Variants in GPHN observed in about 807,000 individuals in gnomAD.
The protein encoded by GPHN is gephyrin.
A neutral mutation model predicts 95.5 loss-of-function variants in GPHN; 17 were observed. The ratio of observed to expected loss-of-function variants is 0.18; its 90% CI spans 0.12 to 0.27. The LOEUF (loss-of-function observed/expected upper bound fraction) is 0.27. Ranked by LOEUF, GPHN falls within the 10% of genes least tolerant of loss-of-function variation. The pLI, the probability that GPHN is intolerant of heterozygous loss-of-function variation, is 1.00. For missense variants in GPHN, 660 were observed against 978.1 expected, an observed-to-expected ratio of 0.67 and a Z score of 4.34; for synonymous variants, 320 against 322.5, an observed-to-expected ratio of 0.99 and a Z score of 0.08.
the GPHN span, among the ~76,000 whole-genome samples, chr14:67,633,959 T>C: frequency 0.075 from 11,386 of 152,242 alleles, 588 homozygotes; most frequent in East Asian, 0.22. Context: ...ATCTGGTTCA[T>C]AGCAATTAGC....
intron 9 of GPHN, among the ~76,000 whole-genome samples, chr14:66,965,575 C>T (rs1368977549): frequency 1.3e-5 from 2 of 152,100 alleles, no homozygotes. Context: ...TTCTGTAGCT[C>T]CTGTTTCTTT....
chr14:66,629,216 C>T lies in GPHN; in HGVS notation c.65-51891C>T, dbSNP rs1223008976. On this transcript the variant is annotated intron_variant, in intron 1 of 22. Transcript: ENST00000478722. The stretch of plus-strand genomic sequence containing the variant: ...ATGTATATAAATATATATTTATATA[C>T]ATATATAAATATGTATATAAATATA... Among the ~76,000 whole-genome samples the T allele has an allele frequency of 2.0e-4, 27 of 136,622 alleles. 3 individuals carry two copies. The highest frequency in any genetic ancestry group is 6.1e-4 in the African/African-American group (22 of 36,356). 89.6% of individuals were successfully genotyped at this position (136,622 alleles called of 152,430 possible).
intron 11 of GPHN, among the ~76,000 whole-genome samples, chr14:67,083,649 G>A (rs1164759887): frequency 1.3e-5 from 2 of 152,178 alleles, no homozygotes; most frequent in African/African-American, 4.8e-5. Flanking sequence ...GTAGTATTCA[G>A]AGTGGCAATG....
At chr14:66,619,402 A>C (rs1326014805) in intron 1 of GPHN, among the ~76,000 whole-genome samples, 4 of 151,472 alleles carry the variant, frequency 2.6e-5, no homozygotes, top group African/African-American at 9.7e-5. Context: ...TTAAATTTTA[A>C]CCACTGTAAA....
At chr14:66,566,515 T>C (rs1309826901) in intron 1 of GPHN, among the ~76,000 whole-genome samples, 3 of 150,916 alleles carry the variant, frequency 2.0e-5, no homozygotes, top group Admixed American at 1.3e-4. Flanking sequence ...TGTCTACATT[T>C]TTTGTAGTCT....
chr14:66,959,837 C>T (rs1197209416), intron 8 of GPHN, among the ~76,000 whole-genome samples: 2 of 151,996 alleles, frequency 1.3e-5, no homozygotes, highest in Non-Finnish European at 1.5e-5. Context: ...TCTCTCCTCT[C>T]CTTCTGGGAC....
At chr14:67,230,716 A>T in the GPHN span, among the ~76,000 whole-genome samples, 1 of 152,226 alleles carries the variant, frequency 6.6e-6, no homozygotes, top group East Asian at 1.9e-4. Context: ...GCCCATCAAC[A>T]GGTGAATGAC....
At chr14:66,930,368 A>ATTATT (rs576164658) in intron 8 of GPHN, among the ~76,000 whole-genome samples, 1,825 of 152,212 alleles carry the variant, frequency 0.012, 19 homozygotes, top group Non-Finnish European at 0.018. Flanking sequence ...CTTATAACCC[A>ATTATT]TTATTTTAAA....
At chr14:66,536,806 C>A (rs1327197167) in intron 1 of GPHN, among the ~76,000 whole-genome samples, 1 of 152,134 alleles carries the variant, frequency 6.6e-6, no homozygotes, top group Non-Finnish European at 1.5e-5. Flanking sequence ...CTTCAAATGA[C>A]TGATTTCTTT....
chr14:67,651,916 A>G, the GPHN span, among the ~76,000 whole-genome samples: 2 of 152,178 alleles, frequency 1.3e-5, no homozygotes, highest in Admixed American at 1.3e-4. Flanking sequence ...CTCTCCTATC[A>G]ACCCAAATGG....
intron 21 of GPHN, among the ~76,000 whole-genome samples, chr14:67,174,271 C>T (rs1242696703): frequency 6.7e-6 from 1 of 150,358 alleles, no homozygotes; most frequent in African/African-American, 2.5e-5. Context: ...TGATGTTCCC[C>T]TCCCTGTGTC....
intron 1 of GPHN, among the ~76,000 whole-genome samples, chr14:66,579,727 G>C (rs1312212831): frequency 6.6e-6 from 1 of 151,778 alleles, no homozygotes; most frequent in Admixed American, 6.6e-5. Context: ...AGATCTGAAG[G>C]GAGAGACAAG....
the GPHN span, among the ~76,000 whole-genome samples, chr14:67,548,244 G>T: frequency 6.6e-6 from 1 of 152,174 alleles, no homozygotes; most frequent in Non-Finnish European, 1.5e-5. Flanking sequence ...CTGTTTCTCA[G>T]TTATCCTATC....
At chr14:67,144,286 T>TACACAC (rs1555502099) in intron 18 of GPHN, among the ~76,000 whole-genome samples, 1 of 78,126 alleles carries the variant, frequency 1.3e-5, no homozygotes, top group African/African-American at 6.4e-5. Flanking sequence ...TATATATATA[T>TACACAC]ACACACACAC....
At chr14:66,851,967 A>T (rs1305527547) in intron 4 of GPHN, among the ~76,000 whole-genome samples, 2 of 152,192 alleles carry the variant, frequency 1.3e-5, no homozygotes, top group Non-Finnish European at 2.9e-5. Context: ...CTCTGGATAG[A>T]ATTAATTGCA....
At chr14:67,202,721 AT>A in the GPHN span, among the ~76,000 whole-genome samples, 4 of 152,178 alleles carry the variant, frequency 2.6e-5, no homozygotes, top group Admixed American at 2.6e-4. Context: ...TTATGTGTAA[AT>A]GTGTGTACCT....
chr14:67,241,251 C>A, the GPHN span: 1 of 152,402 alleles, frequency 6.6e-6, no homozygotes, highest in East Asian at 1.9e-4. Context: ...CGGATCCGCG[C>A]GCCCACTGCG....
rs983609583 is a variant in GPHN, at chr14:66,999,531, T to G, written c.964-24102T>G. Among the ~76,000 whole-genome samples the G allele has an allele frequency of 2.0e-5, 3 of 151,962 alleles. No homozygotes were observed. The East Asian group carries it at 5.8e-4, about 29-fold the overall frequency. Reference sequence around the variant, plus strand: ...ATATTGAGCTACCTCCTATGCCTTATTTAATTATAATCTGCCAGTTATTTC... The same window carrying G: ...ATATTGAGCTACCTCCTATGCCTTAGTTAATTATAATCTGCCAGTTATTTC... On this transcript the variant is annotated intron_variant, in intron 9 of 22. Coordinates refer to ENST00000478722, the MANE Select transcript of GPHN (RefSeq NM_020806.5).
chr14:67,254,231 C>G, the GPHN span: 1 of 134,016 alleles, frequency 7.5e-6, no homozygotes, highest in African/African-American at 2.9e-5. Context: ...GATACGGACT[C>G]TGCCTCAGCA....
Sources: allele counts gnomAD v4.1 joint callset (sites outside exome capture counted in the v4.1 genomes callset), GRCh38; gene constraint gnomAD v4.1.1; transcripts MANE v1.5; gene names NCBI Gene and HGNC (gene_info 2026-07-23, HGNC 2026-07-21).